Variants in OSBPL5 observed in about 807,000 individuals in gnomAD.
OSBPL5 encodes oxysterol-binding protein-related protein 5.
In OSBPL5, 71 loss-of-function variants were observed where a neutral mutation model predicts 111.2. The ratio of observed to expected loss-of-function variants is 0.64; its 90% CI spans 0.53 to 0.78. OSBPL5 has a LOEUF of 0.78. Ranked by LOEUF, OSBPL5 falls within the 30% of genes least tolerant of loss-of-function variation. The pLI is 0.00. For missense variants in OSBPL5, 1,210 were observed against 1,189.3 expected, an observed-to-expected ratio of 1.02 and a Z score of -0.26; for synonymous variants, 549 against 513.9, an observed-to-expected ratio of 1.07 and a Z score of -0.93.
chr11:3,102,228 C>G lies in OSBPL5; in HGVS notation c.1380G>C (p.Trp460Cys), dbSNP rs768039988. 9.9e-6 allele frequency: 16 copies of G among 1,609,314 alleles called. No individual in the cohort carries two copies. The African/African-American group carries it at 2.0e-4, about 20-fold the overall frequency. ...PILGETFRCC[W>C]FHPQTDSRTF... Reference sequence around the variant, plus strand: ...TGCGGCTGTCAGTCTGCGGGTGGAACCAGCAGCAGCGGAAGGTCTCCCCCA... The same window carrying G: ...TGCGGCTGTCAGTCTGCGGGTGGAAGCAGCAGCAGCGGAAGGTCTCCCCCA... The change falls in exon 12 of 22, where the codon TGG becomes TGC. Residue 460 changes from tryptophan (W) to cysteine (C), a missense_variant. Coordinates refer to ENST00000263650, the MANE Select transcript of OSBPL5 (RefSeq NM_020896.4).
intron 14 of OSBPL5, among the ~76,000 whole-genome samples, chr11:3,096,448 A>G (rs1362038379): frequency 6.6e-6 from 1 of 152,054 alleles, no homozygotes; most frequent in Non-Finnish European, 1.5e-5. Flanking sequence ...GTGAAACCCT[A>G]TCTCTACTAA....
chr11:3,161,935 C>T lies in OSBPL5; in HGVS notation c.-22+3281G>A, dbSNP rs867727858. On this transcript the variant is annotated intron_variant, in intron 1 of 21. Transcript: ENST00000263650. This position sits in a 1 kb window ranked among gnomAD's most constrained non-coding sequence, Gnocchi z 8.0. ...GTGCAAAGGCCCTGGAGTAAGAAGC[C>T]GGGGCTGACGCCAGACCCCTGTGAG... Among the ~76,000 whole-genome samples, 17 of 142,192 alleles carry T rather than the reference C, an allele frequency of 1.2e-4. No individual in the cohort carries two copies. The highest frequency in any genetic ancestry group is 2.6e-4 in the African/African-American group (10 of 38,706). 93.3% of individuals were successfully genotyped at this position (142,192 alleles called of 152,430 possible).
At position 3,121,832 on chromosome 11, in the gene OSBPL5, G is replaced by A. The variant is rs1858427471; in HGVS notation, c.402+165C>T. On this transcript the variant is annotated intron_variant, in intron 5 of 21. Transcript: ENST00000263650. This position sits in a 1 kb window ranked among gnomAD's most constrained non-coding sequence, Gnocchi z 4.3. ...CTTATAAAAAGGGGGAGAGACAGGT[G>A]GATAAGGAAAGGCCTCATGAGGAAG... 2 of 634,424 alleles carry A rather than the reference G, an allele frequency of 3.2e-6. No homozygotes were observed. The highest frequency in any genetic ancestry group is 5.5e-6 in the Non-Finnish European group (2 of 362,612). 39.3% of individuals were successfully genotyped at this position (634,424 alleles called of 1,614,324 possible). A position where few individuals can be genotyped will look rare whatever the true frequency, so the allele number is the denominator to read the frequency against.
chr11:3,107,901 T>C lies in OSBPL5; in HGVS notation c.736A>G (p.Ser246Gly), dbSNP rs746361052. 3 of 1,603,530 alleles carry C rather than the reference T, an allele frequency of 1.9e-6. No homozygotes were observed. The African/African-American group carries it at 4.0e-5, about 21-fold the overall frequency. ...TTGCAGGTGCCCAGTCTCAGTAGGCTAGAGCAGCGCAGGGCCAGCTCCAGG... is the reference window on the plus strand; with the variant it reads ...TTGCAGGTGCCCAGTCTCAGTAGGCCAGAGCAGCGCAGGGCCAGCTCCAGG... ...DALELALRCS[S>G]LLRLGTCKPG... Residue 246 changes from serine (S) to glycine (G), a missense_variant, in exon 8 of 22, where the codon AGC becomes GGC. Transcript: ENST00000263650. This position sits in a 1 kb window ranked among gnomAD's most constrained non-coding sequence, Gnocchi z 6.1.
At position 3,103,899 on chromosome 11, in the gene OSBPL5, T is replaced by TGC. The variant is rs1857602936; in HGVS notation, c.1244+292_1244+293dup. Among the ~76,000 whole-genome samples the TGC allele has an allele frequency of 4.0e-4, 43 of 107,512 alleles. 1 individual carries two copies. Among genetic ancestry groups the TGC allele is most frequent in the African/African-American group, 1.7e-3 (37 of 21,944 alleles). The allele number at this position is 107,512 out of a possible 152,430, so 70.5% of individuals were successfully genotyped here. On this transcript the variant is annotated intron_variant, in intron 10 of 21. Transcript: ENST00000263650. ...GCCTCTGTAGCCCCATTCCTGCCTC[T>TGC]GCAGCCCCCTTCCTGCCTCTGCAGC...
At chr11:3,157,446 C>G (rs1313198220) in intron 1 of OSBPL5, among the ~76,000 whole-genome samples, 1 of 152,218 alleles carries the variant, frequency 6.6e-6, no homozygotes, top group Non-Finnish European at 1.5e-5. Flanking sequence ...GCCTAGATGT[C>G]TGGTGTCCCA....
intron 1 of OSBPL5, among the ~76,000 whole-genome samples, chr11:3,133,102 C>G (rs944077617): frequency 6.6e-6 from 1 of 152,232 alleles, no homozygotes; most frequent in Admixed American, 6.5e-5. Context: ...CACTGGAACC[C>G]TAGTGAGGTT....
At position 3,107,356 on chromosome 11, in the gene OSBPL5, C is replaced by G; in HGVS notation, c.966G>C (p.Lys322Asn). The G allele has an allele frequency of 6.2e-7, 1 of 1,614,112 alleles. No individual in the cohort carries two copies. The highest frequency in any genetic ancestry group is 1.1e-5 in the South Asian group (1 of 91,082). ...SDTETQDHSR[K>N]TESGSDQSET... ...CTGACTGGTCGCTGCCACTCTCCGTCTTCCGGCTATGGTCCTGGGTCTCGG... is the reference window on the plus strand; with the variant it reads ...CTGACTGGTCGCTGCCACTCTCCGTGTTCCGGCTATGGTCCTGGGTCTCGG... The change falls in exon 9 of 22, where the codon AAG becomes AAC. Residue 322 changes from lysine (K) to asparagine (N), a missense_variant. By Grantham distance (94) the Lys-to-Asn change is moderately conservative. Transcript: ENST00000263650. This position sits in a 1 kb window ranked among gnomAD's most constrained non-coding sequence, Gnocchi z 6.1.
rs1857886836 is a variant in OSBPL5, at chr11:3,110,541, CTGT to C, written c.692-2599_692-2597del. On this transcript the variant is annotated intron_variant, in intron 7 of 21. Transcript: ENST00000263650. This position sits in a 1 kb window ranked among gnomAD's most constrained non-coding sequence, Gnocchi z 5.3. ...CTAATGTGGATGATAACAGTAGAAC[CTGT>C]TGTTTCAATGGTGCCTGGTGTGAAA... 1.3e-5 allele frequency among the ~76,000 whole-genome samples: 2 copies of C among 152,188 alleles called. No homozygotes were observed. The highest frequency in any genetic ancestry group is 1.3e-4 in the Admixed American group (2 of 15,280).
chr11:3,103,196 T>G (rs1857517225), intron 11 of OSBPL5, 43 bp downstream of exon 11: 1 of 1,538,100 alleles, frequency 6.5e-7, no homozygotes, highest in South Asian at 1.2e-5. Context: ...GCAGACAGAC[T>G]CCTGGGCCGG....
At chr11:3,111,973 ATG>A (rs200279738) in intron 7 of OSBPL5, among the ~76,000 whole-genome samples, 1 of 143,090 alleles carries the variant, frequency 7.0e-6, no homozygotes, top group Non-Finnish European at 1.6e-5. Context: ...GTGTGTGCAT[ATG>A]TGTGCGCGCA....
At chr11:3,129,411 T>C in intron 1 of OSBPL5, 1 of 306,338 alleles carries the variant, frequency 3.3e-6, no homozygotes, top group East Asian at 5.3e-5. Flanking sequence ...GACGGAGCCC[T>C]GGTCAGAGAG....
chr11:3,112,587 T>A (rs112327316), intron 7 of OSBPL5, among the ~76,000 whole-genome samples: 1 of 151,218 alleles, frequency 6.6e-6, no homozygotes. Flanking sequence ...TTAAAAAAAA[T>A]TTGTAAGTGC....
rs974606520 is a variant in OSBPL5 at position 3,142,503 on chromosome 11, C to T, written c.-21-13334G>A. Among the ~76,000 whole-genome samples, 1 of 152,224 alleles carries T rather than the reference C, an allele frequency of 6.6e-6. No individual in the cohort carries two copies. Among genetic ancestry groups the T allele is most frequent in the African/African-American group, 2.4e-5 (1 of 41,460 alleles). On this transcript the variant is annotated intron_variant, in intron 1 of 21. Transcript: ENST00000263650. The surrounding 1 kb of genome is among the most constrained non-coding windows in gnomAD (Gnocchi z 7.1). ...CCGTGTCCCAGGAGGTCAGATTTCA[C>T]CCGGATGCTTAGCTCCCCTCCCTTT...
intron 1 of OSBPL5, among the ~76,000 whole-genome samples, chr11:3,147,773 G>C (rs1317752130): frequency 1.3e-5 from 2 of 152,340 alleles, no homozygotes; most frequent in South Asian, 2.1e-4. Context: ...CGTGGCCCTA[G>C]ACAGGGCACA....
intron 17 of OSBPL5, 155 bp downstream of exon 17, chr11:3,093,372 A>G (rs1590631866): frequency 1.6e-6 from 2 of 1,216,418 alleles, no homozygotes; most frequent in East Asian, 2.4e-5. Flanking sequence ...TGTCCTTTCC[A>G]GGACACGTGA....
chr11:3,095,980 T>G (rs962901415), intron 14 of OSBPL5, among the ~76,000 whole-genome samples: 1 of 151,934 alleles, frequency 6.6e-6, no homozygotes, highest in Non-Finnish European at 1.5e-5. Flanking sequence ...CTGAACGTGA[T>G]CAGGCATCTC....
In OSBPL5 at chr11:3,103,882, AG is replaced by A. The variant is rs1402735822; in HGVS notation, c.1244+310del. On this transcript the variant is annotated intron_variant, in intron 10 of 21. Coordinates refer to ENST00000263650, the MANE Select transcript of OSBPL5 (RefSeq NM_020896.4). ...TGCGCAGCCCCCTTCCTGCCTCTGT[AG>A]CCCCATTCCTGCCTCTGCAGCCCCC... Among the ~76,000 whole-genome samples, 11 of 15,174 alleles carry A rather than the reference AG, an allele frequency of 7.2e-4. 1 individual carries two copies. Among genetic ancestry groups the A allele is most frequent in the Non-Finnish European group, 1.2e-3 (9 of 7,438 alleles). The allele number at this position is 15,174 out of a possible 152,430, so 10.0% of individuals were successfully genotyped here.
intron 3 of OSBPL5, among the ~76,000 whole-genome samples, chr11:3,124,390 C>G (rs927789481): frequency 6.6e-6 from 1 of 152,182 alleles, no homozygotes; most frequent in African/African-American, 2.4e-5. Context: ...GAGGCATATG[C>G]TGGACCCTGG....
Sources: gnomAD v4.1 joint callset for allele counts (sites outside exome capture counted in the v4.1 genomes callset) on GRCh38, gnomAD v4.1.1 for gene constraint, Gnocchi (gnomAD v3.1) non-coding constraint, MANE v1.5 for transcripts, NCBI Gene and HGNC (gene_info 2026-07-23, HGNC 2026-07-21) for gene names.